C3orf33: variants seen among roughly 807,000 people sequenced by gnomAD.
The protein encoded by C3orf33 is mitochondrial inner membrane subdomain organizer 1, also known as AP-1 activity suppressor.
A neutral mutation model predicts 28.7 loss-of-function variants in C3orf33; 23 were observed. The observed-to-expected ratio is 0.80, with a 90% CI of 0.58 to 1.13. The LOEUF (loss-of-function observed/expected upper bound fraction) is 1.13. Ranked by LOEUF, C3orf33 falls within the 50% of genes most tolerant of loss-of-function variation. The pLI, the probability that C3orf33 is intolerant of heterozygous loss-of-function variation, is 0.00. For synonymous variants in C3orf33, 119 were observed against 120.5 expected (o/e 0.99, Z 0.08); for missense variants, 327 against 353.4 (o/e 0.93, Z 0.60).
chr3:155,763,636 T>C lies in C3orf33; in HGVS notation c.766A>G (p.Ser256Gly). The C allele has an allele frequency of 6.3e-7, 1 of 1,597,034 alleles. No homozygotes were observed. Among genetic ancestry groups the C allele is most frequent in the Non-Finnish European group, 8.5e-7 (1 of 1,175,844 alleles). ...TGSDFSLKKE[S>G]YYEKLKRTYE... ...GTCCTTTTAAGTTTTTCATAATAAC[T>C]TTCTTTTTTCAAGCTGAAATCTGAT... Residue 256 changes from serine (S) to glycine (G), a missense_variant, in exon 5 of 5, where the codon AGT becomes GGT. Transcript: ENST00000340171.
At chr3:155,788,080 A>G (rs562498350) in intron 2 of C3orf33, among the ~76,000 whole-genome samples, 4 of 152,048 alleles carry the variant, frequency 2.6e-5, no homozygotes, top group African/African-American at 9.6e-5. Flanking sequence ...AGTCCCAGCT[A>G]CTGGGGAGGC....
intron 3 of C3orf33, among the ~76,000 whole-genome samples, chr3:155,775,415 G>A (rs992511434): frequency 6.6e-6 from 1 of 151,988 alleles, no homozygotes; most frequent in East Asian, 1.9e-4. Flanking sequence ...CTTGAACCTG[G>A]GAGGCGGAGG....
chr3:155,799,998 T>C (rs940434404), intron 2 of C3orf33, among the ~76,000 whole-genome samples: 1 of 152,184 alleles, frequency 6.6e-6, no homozygotes, highest in African/African-American at 2.4e-5. Context: ...TAAGATCTAG[T>C]ATTTGGTAGC....
At chr3:155,776,538 C>T (rs1029088776) in intron 2 of C3orf33, among the ~76,000 whole-genome samples, 1 of 151,884 alleles carries the variant, frequency 6.6e-6, no homozygotes, top group South Asian at 2.1e-4. Flanking sequence ...AATCCCAGCA[C>T]TTTGGGAGGC....
In C3orf33 at chr3:155,781,228, G is replaced by A. The variant is rs1453495281; in HGVS notation, c.175-5380C>T. Among the ~76,000 whole-genome samples the A allele has an allele frequency of 2.7e-5, 4 of 149,680 alleles. No individual in the cohort carries two copies. In the South Asian group the frequency reaches 8.3e-4, roughly 31 times the overall value. On this transcript the variant is annotated intron_variant, in intron 2 of 4. Transcript: ENST00000340171. ...TCACCTTGTTAGCCAGGATGGTCTC[G>A]ATCTCCTGACCTCATGATCCACCCG...
chr3:155,803,509 G>A (rs1306914676), intron 1 of C3orf33, among the ~76,000 whole-genome samples: 2 of 141,554 alleles, frequency 1.4e-5, no homozygotes, highest in Non-Finnish European at 3.0e-5. Context: ...AGGTTGCAGT[G>A]AGCCGAGATC....
intron 3 of C3orf33, among the ~76,000 whole-genome samples, chr3:155,773,426 C>T (rs956657687): frequency 2.0e-5 from 3 of 152,128 alleles, no homozygotes; most frequent in African/African-American, 7.2e-5. Flanking sequence ...ATAGAACATG[C>T]AGTTCTGAAC....
At chr3:155,767,749 AC>A in intron 3 of C3orf33, 80 bp from the exon 4 acceptor site, 1 of 931,126 alleles carries the variant, frequency 1.1e-6, no homozygotes, top group Non-Finnish European at 1.5e-6. Flanking sequence ...CCTCCAACAA[AC>A]AAACAAATAT....
rs540856863 is a variant in C3orf33, at chr3:155,771,448, A to C, written c.323-3779T>G. 2.0e-5 allele frequency among the ~76,000 whole-genome samples: 3 copies of C among 152,064 alleles called. No individual in the cohort carries two copies. The South Asian group carries it at 6.2e-4, about 32-fold the overall frequency. On this transcript the variant is annotated intron_variant, in intron 3 of 4. Transcript: ENST00000340171. The stretch of plus-strand genomic sequence containing the variant: ...AGGCCTGCATCACCACACTCAGCTA[A>C]TCTTTGTATTTTTTGTAGAGACAGG...
chr3:155,799,015 T>C (rs376642362), intron 2 of C3orf33, among the ~76,000 whole-genome samples: 6 of 152,152 alleles, frequency 3.9e-5, no homozygotes, highest in African/African-American at 1.2e-4. Flanking sequence ...AACAGGTACA[T>C]GAAAAGGTGC....
intron 2 of C3orf33, among the ~76,000 whole-genome samples, chr3:155,783,241 G>A (rs867464583): frequency 4.0e-5 from 6 of 150,850 alleles, no homozygotes; most frequent in Non-Finnish European, 5.9e-5. Flanking sequence ...TGCAACCTCC[G>A]TCTCCTGGGT....
chr3:155,776,402 G>GAATC (rs1409169701), intron 2 of C3orf33, among the ~76,000 whole-genome samples: 1 of 152,090 alleles, frequency 6.6e-6, no homozygotes, highest in Non-Finnish European at 1.5e-5. Context: ...TGATATCCTG[G>GAATC]AATCAATCAA....
intron 3 of C3orf33, among the ~76,000 whole-genome samples, chr3:155,773,193 A>T (rs17349560): frequency 0.13 from 19,179 of 152,250 alleles, 1,311 homozygotes; most frequent in Middle Eastern, 0.16. Context: ...CTAGCAACTT[A>T]TTGTAACATT....
At chr3:155,790,613 CTTTGCAGCAGCTGCGTGG>C (rs1751285479) in intron 2 of C3orf33, among the ~76,000 whole-genome samples, 1 of 152,182 alleles carries the variant, frequency 6.6e-6, no homozygotes, top group Non-Finnish European at 1.5e-5. Context: ...TCCCCCATCC[CTTTGCAGCAGCTGCGTGG>C]CATGGAGGGA....
intron 4 of C3orf33, among the ~76,000 whole-genome samples, chr3:155,764,855 C>A (rs1029602813): frequency 1.3e-5 from 2 of 151,902 alleles, no homozygotes; most frequent in Admixed American, 1.3e-4. Flanking sequence ...GACTCCATCT[C>A]GGGAAAATAA....
In C3orf33 at chr3:155,763,376, C is replaced by A. The variant is rs1029681547; in HGVS notation, c.*141G>T. On this transcript the variant is annotated 3_prime_UTR_variant, in exon 5 of 5. Transcript: ENST00000340171. ...ATTCTGACATTATGCTTATAATAAT[C>A]ATCTCTTTTTAATATTTAAATACCA... The A allele has an allele frequency of 1.6e-5, 8 of 490,308 alleles. No homozygotes were observed. The highest frequency in any genetic ancestry group is 2.7e-5 in the Non-Finnish European group (8 of 296,946). The allele number at this position is 490,308 out of a possible 1,614,324, so 30.4% of individuals were successfully genotyped here. A position where few individuals can be genotyped will look rare whatever the true frequency, so the allele number is the denominator to read the frequency against.
chr3:155,802,657 A>G, intron 1 of C3orf33, 66 bp from the exon 2 acceptor site: 1 of 1,238,294 alleles, frequency 8.1e-7, no homozygotes, highest in Non-Finnish European at 1.1e-6. Context: ...AGCACTAATT[A>G]GAAGGTAGAA....
intron 3 of C3orf33, among the ~76,000 whole-genome samples, 176 bp from the exon 4 acceptor site, chr3:155,767,845 G>A (rs1161511047): frequency 1.3e-5 from 2 of 152,020 alleles, no homozygotes; most frequent in Admixed American, 6.6e-5. Flanking sequence ...AACAATACAA[G>A]TATATATAAC....
intron 3 of C3orf33, among the ~76,000 whole-genome samples, chr3:155,771,572 T>G (rs552185161): frequency 2.0e-5 from 3 of 152,276 alleles, no homozygotes; most frequent in East Asian, 3.9e-4. Context: ...TTTAAATTTT[T>G]TGTGTGTGGA....
Sources: allele counts gnomAD v4.1 joint callset (sites outside exome capture counted in the v4.1 genomes callset), GRCh38; gene constraint gnomAD v4.1.1; transcripts MANE v1.5; gene names NCBI Gene and HGNC (gene_info 2026-07-23, HGNC 2026-07-21).